Variants in ARHGEF28 observed in about 807,000 individuals in gnomAD.
ARHGEF28 encodes the protein 190 kDa guanine nucleotide exchange factor.
A neutral mutation model predicts 206.6 loss-of-function variants in ARHGEF28; 152 were observed. That is an observed-to-expected ratio of 0.74 (90% confidence interval 0.64 to 0.84). The LOEUF is 0.84. Among genes scored for constraint, ARHGEF28 ranks in the 40% least tolerant of loss-of-function variants. The probability of loss-of-function intolerance (pLI) is 0.00; values close to 1 mark genes in which losing one functional copy is unlikely to be tolerated. For synonymous variants in ARHGEF28, 763 were observed against 776.4 expected, an observed-to-expected ratio of 0.98 and a Z score of 0.29; for missense variants, 2,028 against 2,073.2, an observed-to-expected ratio of 0.98 and a Z score of 0.42.
intron 30 of ARHGEF28, 139 bp downstream of exon 30, chr5:73,898,232 A>ATTTTTTGGCTCAGATAGAGAGGAC: frequency 9.6e-7 from 1 of 1,041,446 alleles, no homozygotes; most frequent in Non-Finnish European, 1.3e-6. Context: ...AAAACTGAGA[A>ATTTTTTGGCTCAGATAGAGAGGAC]TAAATATGCT....
chr5:73,687,533 G>GAGTC (rs1400975644), intron 2 of ARHGEF28, among the ~76,000 whole-genome samples: 5 of 151,974 alleles, frequency 3.3e-5, no homozygotes, highest in African/African-American at 1.2e-4. Flanking sequence ...TAATGAAAAT[G>GAGTC]AGTCTTAAAC....
chr5:73,696,926 T>C (rs1266571847), intron 2 of ARHGEF28, among the ~76,000 whole-genome samples: 1 of 152,214 alleles, frequency 6.6e-6, no homozygotes, highest in Non-Finnish European at 1.5e-5. Context: ...GGACTGGGAC[T>C]GTCATTTGAG....
At chr5:73,871,660 GT>G (rs1398012355) in intron 21 of ARHGEF28, among the ~76,000 whole-genome samples, 1 of 152,146 alleles carries the variant, frequency 6.6e-6, no homozygotes, top group Non-Finnish European at 1.5e-5. Flanking sequence ...CAATCTAGTA[GT>G]TTTTAGTATA....
intron 1 of ARHGEF28, among the ~76,000 whole-genome samples, chr5:73,660,193 C>T (rs1317355463): frequency 1.3e-5 from 2 of 152,152 alleles, no homozygotes; most frequent in Non-Finnish European, 2.9e-5. Context: ...TTTTCAACAA[C>T]GTTCACAGCA....
At chr5:73,834,175 A>T (rs76246295) in intron 10 of ARHGEF28, among the ~76,000 whole-genome samples, 9 of 152,332 alleles carry the variant, frequency 5.9e-5, no homozygotes, top group Non-Finnish European at 1.3e-4. Flanking sequence ...CACATATATC[A>T]TCTCACATAT....
chr5:73,740,194 AAG>A (rs1491470978), intron 2 of ARHGEF28, among the ~76,000 whole-genome samples: 1 of 151,310 alleles, frequency 6.6e-6, no homozygotes, highest in African/African-American at 2.4e-5. Flanking sequence ...AAAAAAAAAA[AAG>A]AAGGAGAAGC....
chr5:73,901,465 G>A (rs1762268294), intron 31 of ARHGEF28, 181 bp downstream of exon 31: 2 of 484,070 alleles, frequency 4.1e-6, no homozygotes, highest in Non-Finnish European at 7.5e-6. Flanking sequence ...TGCTTGCACT[G>A]CCTGTGTCAT....
chr5:73,769,940 C>T lies in ARHGEF28; in HGVS notation c.476-3915C>T, dbSNP rs548741276. Reference sequence around the variant, plus strand: ...ACAGCCTCCCCTATTATCAATACGCCCCACAGAGTGGCACATTTGGTTATG... The same window carrying T: ...ACAGCCTCCCCTATTATCAATACGCTCCACAGAGTGGCACATTTGGTTATG... On this transcript the variant is annotated intron_variant, in intron 4 of 35. Transcript: ENST00000513042. Among the ~76,000 whole-genome samples, 152 of 152,268 alleles carry T rather than the reference C, an allele frequency of 1.0e-3. 2 individuals are homozygous for T. Among genetic ancestry groups the T allele is most frequent in the Non-Finnish European group, 4.3e-4 (29 of 68,014 alleles).
At chr5:73,840,371 T>C in intron 10 of ARHGEF28, 109 bp from the exon 11 acceptor site, 1 of 1,113,658 alleles carries the variant, frequency 9.0e-7, no homozygotes, top group Admixed American at 2.5e-5. Context: ...AGCCTCGGCC[T>C]CCTACCACGC....
chr5:73,746,520 T>C (rs2112388846), intron 2 of ARHGEF28, among the ~76,000 whole-genome samples: 1 of 152,150 alleles, frequency 6.6e-6, no homozygotes, highest in East Asian at 1.9e-4. Context: ...TTTAGGATCA[T>C]GTCAATGCAG....
chr5:73,924,716 A>G (rs1436908165), intron 35 of ARHGEF28, among the ~76,000 whole-genome samples: 1 of 152,194 alleles, frequency 6.6e-6, no homozygotes, highest in Non-Finnish European at 1.5e-5. Flanking sequence ...AGAATTTCCC[A>G]TAATCAAATA....
rs1308927091 is a variant in ARHGEF28 at position 73,846,423 on chromosome 5, T to C, written c.1583T>C (p.Phe528Ser). 6.2e-7 allele frequency: 1 copy of C among 1,613,998 alleles called. No homozygotes were observed. Among genetic ancestry groups the C allele is most frequent in the Non-Finnish European group, 8.5e-7 (1 of 1,179,870 alleles). Reference sequence around the variant, plus strand: ...TTTGAGACTAACACTGAACCGGATTTTAATATCTCCAGGGCTGAATCCCTT... The same window carrying C: ...TTTGAGACTAACACTGAACCGGATTCTAATATCTCCAGGGCTGAATCCCTT... Reference protein sequence around the residue: ...DSFETNTEPDFNISRAESLPL... With the variant: ...DSFETNTEPDSNISRAESLPL... Residue 528 changes from phenylalanine to serine, a missense_variant, in exon 12 of 36, where the codon TTT (phenylalanine) becomes TCT (serine). This residue lies in a region of ARHGEF28 where 1,002 missense variants were observed against 1,015.3 expected (regional missense o/e 0.99). Transcript: ENST00000513042.
At chr5:73,828,961 C>T (rs1757116189) in intron 9 of ARHGEF28, among the ~76,000 whole-genome samples, 1 of 152,158 alleles carries the variant, frequency 6.6e-6, no homozygotes, top group Non-Finnish European at 1.5e-5. Flanking sequence ...GCTGGGACTA[C>T]AGGTGTGCAC....
At position 73,774,041 on chromosome 5, in the gene ARHGEF28, G is replaced by C; in HGVS notation, c.659+3G>C. 1 of 1,579,852 alleles carries C rather than the reference G, an allele frequency of 6.3e-7. No homozygotes were observed. The highest frequency in any genetic ancestry group is 2.3e-5 in the East Asian group (1 of 43,916). ...AAGCTGGTGGAAGACGTCACAAAGT[G>C]AGTTTAGCTACTTGATAGTCTCTCT... is the stretch of plus-strand genomic sequence containing the variant. On this transcript the variant is annotated splice_donor_region_variant and intron_variant, in intron 5 of 35. Transcript: ENST00000513042.
At chr5:73,894,666 G>GTATCCTCAGCACCA in intron 29 of ARHGEF28, 91 bp downstream of exon 29, 1 of 1,423,942 alleles carries the variant, frequency 7.0e-7, no homozygotes, top group Non-Finnish European at 9.4e-7. Context: ...TCTTGGTGCT[G>GTATCCTCAGCACCA]AGGATACAGC....
intron 1 of ARHGEF28, among the ~76,000 whole-genome samples, chr5:73,671,018 C>T (rs984195110): frequency 5.3e-5 from 8 of 151,966 alleles, no homozygotes; most frequent in African/African-American, 1.9e-4. Flanking sequence ...CTAACGGGCC[C>T]TTGAGAATCC....
intron 2 of ARHGEF28, among the ~76,000 whole-genome samples, chr5:73,714,535 A>C (rs1749453397): frequency 1.3e-5 from 2 of 152,156 alleles, no homozygotes; most frequent in African/African-American, 4.8e-5. Context: ...GCACAAGTGA[A>C]GATTATTCTG....
intron 3 of ARHGEF28, among the ~76,000 whole-genome samples, chr5:73,752,257 G>A (rs1163722497): frequency 6.6e-6 from 1 of 152,176 alleles, no homozygotes; most frequent in Non-Finnish European, 1.5e-5. Flanking sequence ...AGAGTGAAGG[G>A]AGGGACAAAC....
intron 35 of ARHGEF28, among the ~76,000 whole-genome samples, chr5:73,937,589 G>A (rs555519048): frequency 8.2e-4 from 124 of 152,118 alleles, no homozygotes; most frequent in Admixed American, 6.7e-3. Context: ...AATAATATTC[G>A]TTTTTAGTTG....
Sources: allele counts gnomAD v4.1 joint callset (sites outside exome capture counted in the v4.1 genomes callset), GRCh38; gene constraint gnomAD v4.1.1; regional missense constraint gnomAD v4.1.1; transcripts MANE v1.5; gene names NCBI Gene and HGNC (gene_info 2026-07-23, HGNC 2026-07-21).